The following KCNQ3 variants were observed in gnomAD, a reference collection of about 807,000 sequenced individuals.
KCNQ3 encodes the protein potassium voltage-gated channel subfamily KQT member 3.
In KCNQ3, 30 loss-of-function variants were observed where a neutral mutation model predicts 92.5. The observed-to-expected ratio is 0.32, with a 90% CI of 0.24 to 0.44. KCNQ3 has a LOEUF of 0.44. KCNQ3 is among the 20% of genes least tolerant of loss of function. The probability of loss-of-function intolerance (pLI) is 1.00; values close to 1 mark genes in which losing one functional copy is unlikely to be tolerated. For missense variants in KCNQ3, 913 were observed against 1,140.3 expected (o/e 0.80, Z 2.87); for synonymous variants, 450 against 468.8 (o/e 0.96, Z 0.52).
chr8:132,474,688 G>A (rs1316242779), intron 1 of KCNQ3, among the ~76,000 whole-genome samples: 7 of 152,078 alleles, frequency 4.6e-5, no homozygotes, highest in Admixed American at 4.6e-4. Flanking sequence ...TACCTACCAT[G>A]CACTCTGCAG....
chr8:132,353,498 C>A (rs557273435), intron 1 of KCNQ3, among the ~76,000 whole-genome samples: 2 of 152,336 alleles, frequency 1.3e-5, no homozygotes, highest in South Asian at 4.1e-4. Context: ...ACCTGCTAAT[C>A]ACTTACGGTC....
At chr8:132,175,753 C>T (rs1442112732) in intron 4 of KCNQ3, 145 bp from the exon 5 acceptor site, 1 of 759,746 alleles carries the variant, frequency 1.3e-6, no homozygotes, top group Non-Finnish European at 2.3e-6. Flanking sequence ...TCTTCATCTT[C>T]CATCACTGTA....
chr8:132,179,429 C>T (rs1484930939), intron 4 of KCNQ3, among the ~76,000 whole-genome samples: 1 of 152,110 alleles, frequency 6.6e-6, no homozygotes, highest in African/African-American at 2.4e-5. Flanking sequence ...TTATATCCCA[C>T]TGCGTGACCT....
chr8:132,339,358 T>C (rs1296492782), intron 1 of KCNQ3, among the ~76,000 whole-genome samples: 1 of 152,170 alleles, frequency 6.6e-6, no homozygotes, highest in East Asian at 1.9e-4. Flanking sequence ...GAGGACCCCC[T>C]CACCCTTCAA....
At chr8:132,424,570 G>A (rs1378417873) in intron 1 of KCNQ3, among the ~76,000 whole-genome samples, 1 of 152,194 alleles carries the variant, frequency 6.6e-6, no homozygotes, top group East Asian at 1.9e-4. Flanking sequence ...GAAGGTCCTA[G>A]GGACACTTGG....
intron 1 of KCNQ3, among the ~76,000 whole-genome samples, chr8:132,311,675 C>G (rs1168113821): frequency 2.6e-5 from 4 of 152,144 alleles, no homozygotes; most frequent in Non-Finnish European, 5.9e-5. Flanking sequence ...GTCTGGCACA[C>G]AGAAATGCCA....
At chr8:132,163,369 G>A in intron 9 of KCNQ3, 99 bp downstream of exon 9, 1 of 974,386 alleles carries the variant, frequency 1.0e-6, no homozygotes, top group Non-Finnish European at 1.7e-6. Flanking sequence ...TCTATCTTGG[G>A]ACCAGCATGA....
At chr8:132,261,998 G>A (rs1395101764) in intron 1 of KCNQ3, among the ~76,000 whole-genome samples, 1 of 152,290 alleles carries the variant, frequency 6.6e-6, no homozygotes, top group East Asian at 1.9e-4. Flanking sequence ...AATGTGGTAT[G>A]TCCATATGAT....
At chr8:132,341,992 T>C (rs1031324144) in intron 1 of KCNQ3, among the ~76,000 whole-genome samples, 2 of 152,228 alleles carry the variant, frequency 1.3e-5, no homozygotes, top group African/African-American at 4.8e-5. Flanking sequence ...GTGTTCTTTC[T>C]GCTTGTTAAG....
At chr8:132,451,619 C>T (rs1476589348) in intron 1 of KCNQ3, among the ~76,000 whole-genome samples, 1 of 152,188 alleles carries the variant, frequency 6.6e-6, no homozygotes, top group Non-Finnish European at 1.5e-5. Flanking sequence ...TTTAGTCATG[C>T]AATAAACAGA....
intron 1 of KCNQ3, among the ~76,000 whole-genome samples, chr8:132,335,502 C>T (rs1297782644): frequency 1.3e-5 from 2 of 152,112 alleles, no homozygotes; most frequent in South Asian, 2.1e-4. Flanking sequence ...AGTGTGATAA[C>T]CGCCCAGCTA....
intron 1 of KCNQ3, among the ~76,000 whole-genome samples, chr8:132,466,271 G>A (rs1822170970): frequency 6.6e-6 from 1 of 151,758 alleles, no homozygotes; most frequent in Non-Finnish European, 1.5e-5. Context: ...TAGGCTTCAA[G>A]ACTTCCTTTA....
At chr8:132,325,842 T>C (rs1265425078) in intron 1 of KCNQ3, among the ~76,000 whole-genome samples, 3 of 152,204 alleles carry the variant, frequency 2.0e-5, no homozygotes, top group East Asian at 3.9e-4. Context: ...TGGATGTGTC[T>C]AATTCTGGGA....
chr8:132,292,748 T>C (rs934601060), intron 1 of KCNQ3, among the ~76,000 whole-genome samples: 3 of 152,182 alleles, frequency 2.0e-5, no homozygotes, highest in Admixed American at 1.3e-4. Context: ...GTTATAATAT[T>C]GGGGCACTTT....
In KCNQ3 at chr8:132,127,878, C is replaced by A. The variant is rs528989294; in HGVS notation, c.*1384G>T. The A allele has an allele frequency of 3.9e-5, 6 of 152,234 alleles. No homozygotes were observed. The highest frequency in any genetic ancestry group is 2.6e-4 in the Admixed American group (4 of 15,290). The allele number at this position is 152,234 out of a possible 1,614,324, so 9.4% of individuals were successfully genotyped here. Reference sequence around the variant, plus strand: ...TCTGCTTACATTTTAGCTTGTCTTACGGTTACATATGGTTTTAGTATTTTC... The same window carrying A: ...TCTGCTTACATTTTAGCTTGTCTTAAGGTTACATATGGTTTTAGTATTTTC... On this transcript the variant is annotated 3_prime_UTR_variant, in exon 15 of 15. Coordinates refer to ENST00000388996, the MANE Select transcript of KCNQ3 (RefSeq NM_004519.4).
intron 4 of KCNQ3, among the ~76,000 whole-genome samples, chr8:132,177,726 T>C (rs1396552910): frequency 2.0e-5 from 3 of 152,168 alleles, no homozygotes; most frequent in Non-Finnish European, 4.4e-5. Flanking sequence ...CACTTGATCT[T>C]TGAGTGCCCA....
At chr8:132,478,627 TAGAC>T (rs1395121092) in intron 1 of KCNQ3, among the ~76,000 whole-genome samples, 2 of 128,172 alleles carry the variant, frequency 1.6e-5, no homozygotes, top group African/African-American at 7.0e-5. Flanking sequence ...CACCTGCAAA[TAGAC>T]ACACACACAC....
At chr8:132,449,450 T>C (rs933694896) in intron 1 of KCNQ3, among the ~76,000 whole-genome samples, 1 of 151,976 alleles carries the variant, frequency 6.6e-6, no homozygotes, top group Non-Finnish European at 1.5e-5. Context: ...CTGCCTGCCC[T>C]CCAACCTCCC....
chr8:132,307,230 T>G (rs1281068162), intron 1 of KCNQ3, among the ~76,000 whole-genome samples: 1 of 152,212 alleles, frequency 6.6e-6, no homozygotes, highest in Non-Finnish European at 1.5e-5. Context: ...GTGCAGGACC[T>G]GTGTTCCACA....
Sources: gnomAD v4.1 joint callset for allele counts (sites outside exome capture counted in the v4.1 genomes callset) on GRCh38, gnomAD v4.1.1 for gene constraint, MANE v1.5 for transcripts, NCBI Gene and HGNC (gene_info 2026-07-23, HGNC 2026-07-21) for gene names.